The following LTBP1 variants were observed in gnomAD, a reference collection of about 807,000 sequenced individuals.
The protein encoded by LTBP1 is latent transforming growth factor beta binding protein 1.
A neutral mutation model predicts 207.6 loss-of-function variants in LTBP1; 129 were observed. That is an observed-to-expected ratio of 0.62 (90% CI 0.54 to 0.72). The LOEUF is 0.72. LTBP1 is among the 30% of genes least tolerant of loss of function. The pLI, the probability that LTBP1 is intolerant of heterozygous loss-of-function variation, is 0.00. For missense variants in LTBP1, 2,281 were observed against 2,217.2 expected, an observed-to-expected ratio of 1.03 and a Z score of -0.58; for synonymous variants, 963 against 833.7, an observed-to-expected ratio of 1.16 and a Z score of -2.67.
At chr2:33,348,250 T>C (rs2094730636) in intron 26 of LTBP1, among the ~76,000 whole-genome samples, 1 of 152,174 alleles carries the variant, frequency 6.6e-6, no homozygotes, top group Non-Finnish European at 1.5e-5. Flanking sequence ...GCTTCCATAA[T>C]AGCTTTCACT....
In LTBP1 at chr2:33,241,965, G is replaced by A. The variant is rs115440610; in HGVS notation, c.1877-1697G>A. On this transcript the variant is annotated intron_variant, in intron 9 of 33. Coordinates refer to ENST00000404816, the MANE Select transcript of LTBP1 (RefSeq NM_206943.4). ...ATGGTCAGGTGCTGTACTGTGTGCC[G>A]TACCAGGTGTCATCTAGCTGTAGCA... Among the ~76,000 whole-genome samples, 345 of 152,282 alleles carry A rather than the reference G, an allele frequency of 2.3e-3. 2 individuals are homozygous for A. Among genetic ancestry groups the A allele is most frequent in the African/African-American group, 7.8e-3 (323 of 41,546 alleles).
At chr2:33,361,847 A>G (rs1414513303) in intron 28 of LTBP1, among the ~76,000 whole-genome samples, 1 of 152,184 alleles carries the variant, frequency 6.6e-6, no homozygotes, top group Non-Finnish European at 1.5e-5. Flanking sequence ...CTTACTAAAT[A>G]TTTTATTCTA....
chr2:33,151,821 TTTTG>T (rs1463546509), intron 5 of LTBP1, among the ~76,000 whole-genome samples: 10 of 140,734 alleles, frequency 7.1e-5, no homozygotes, highest in Non-Finnish European at 9.2e-5. Context: ...TAGTATTCCA[TTTTG>T]TGTGTGTGTG....
At chr2:33,100,704 C>T (rs2079680499) in intron 3 of LTBP1, among the ~76,000 whole-genome samples, 1 of 152,124 alleles carries the variant, frequency 6.6e-6, no homozygotes, top group Non-Finnish European at 1.5e-5. Context: ...CTCTCTCTCT[C>T]CCCCAACCCC....
chr2:33,256,495 C>T (rs2092855642), intron 11 of LTBP1, among the ~76,000 whole-genome samples: 2 of 151,600 alleles, frequency 1.3e-5, no homozygotes, highest in African/African-American at 4.9e-5. Context: ...AACCTTATGG[C>T]TCTTCATCTA....
At chr2:32,952,945 G>A (rs539586016) in intron 2 of LTBP1, among the ~76,000 whole-genome samples, 62 of 152,318 alleles carry the variant, frequency 4.1e-4, no homozygotes, top group African/African-American at 1.4e-3. Flanking sequence ...TTCATTTACT[G>A]TTTAGCTTTT....
rs2092895337 is a variant in LTBP1 at position 33,257,476 on chromosome 2, C to T, written c.2360C>T (p.Ser787Phe). Residue 787 changes from serine to phenylalanine, a missense_variant, in exon 12 of 34, where the codon TCC becomes TTC. Transcript: ENST00000404816. ...KEEPVEALTF[S>F]REHGPGVAEP... The stretch of plus-strand genomic sequence containing the variant: ...GAGCCAGTGGAGGCCCTGACCTTCT[C>T]CCGGGAACACGGGCCAGGAGTGGCG... 1 of 1,614,048 alleles carries T rather than the reference C, an allele frequency of 6.2e-7. No homozygotes were observed. Among genetic ancestry groups the T allele is most frequent in the Non-Finnish European group, 8.5e-7 (1 of 1,180,006 alleles).
chr2:33,049,627 T>A (rs970034110), intron 3 of LTBP1, among the ~76,000 whole-genome samples: 3 of 152,336 alleles, frequency 2.0e-5, no homozygotes, highest in African/African-American at 7.2e-5. Flanking sequence ...TTAAAAAAAT[T>A]TAAATTTCAT....
intron 31 of LTBP1, among the ~76,000 whole-genome samples, chr2:33,377,875 A>G (rs72861449): frequency 0.034 from 5,159 of 152,206 alleles, 272 homozygotes; most frequent in African/African-American, 0.12. Flanking sequence ...GAAGTGCCAC[A>G]CTTGAAACCA....
chr2:32,965,231 A>G (rs1329790993), intron 2 of LTBP1, among the ~76,000 whole-genome samples: 1 of 152,192 alleles, frequency 6.6e-6, no homozygotes, highest in African/African-American at 2.4e-5. Context: ...AAAATTGAAC[A>G]GAAAGTACAA....
At chr2:33,203,613 G>A (rs2089563261) in intron 7 of LTBP1, among the ~76,000 whole-genome samples, 1 of 152,210 alleles carries the variant, frequency 6.6e-6, no homozygotes, top group East Asian at 1.9e-4. Flanking sequence ...TTCTCCCTAA[G>A]CCCCTCCTCT....
chr2:33,308,091 G>T (rs190099576), intron 22 of LTBP1, among the ~76,000 whole-genome samples: 110 of 152,296 alleles, frequency 7.2e-4, no homozygotes, highest in Middle Eastern at 3.4e-3. Context: ...AGAAAACAAA[G>T]AAGGTTTTGT....
chr2:33,171,982 T>G (rs1040055296), intron 5 of LTBP1, among the ~76,000 whole-genome samples: 21 of 152,188 alleles, frequency 1.4e-4, no homozygotes, highest in African/African-American at 5.1e-4. Context: ...CCACCAGGCC[T>G]GCCCTAAAAG....
chr2:32,983,153 T>C (rs1203932294), intron 2 of LTBP1, among the ~76,000 whole-genome samples: 1 of 151,676 alleles, frequency 6.6e-6, no homozygotes. Flanking sequence ...CCATCTCTTG[T>C]ATCAGTGTGA....
chr2:33,225,055 G>A (rs867129222), intron 9 of LTBP1, among the ~76,000 whole-genome samples: 115 of 152,092 alleles, frequency 7.6e-4, no homozygotes, highest in African/African-American at 2.6e-3. Context: ...TCTAGATTCT[G>A]ACTTTAACTG....
intron 3 of LTBP1, among the ~76,000 whole-genome samples, chr2:33,096,548 GA>G (rs2079400291): frequency 6.6e-6 from 1 of 152,180 alleles, no homozygotes; most frequent in South Asian, 2.1e-4. Context: ...ATCCTGACAA[GA>G]ACGACAACAG....
chr2:33,047,949 T>C (rs219199), intron 3 of LTBP1, among the ~76,000 whole-genome samples: 75,560 of 152,014 alleles, frequency 0.5, 20,175 homozygotes, highest in East Asian at 0.98. Flanking sequence ...CTGCTTTTTT[T>C]TTTGTTTTCT....
intron 10 of LTBP1, among the ~76,000 whole-genome samples, chr2:33,251,536 G>A (rs1370494134): frequency 6.6e-6 from 1 of 152,002 alleles, no homozygotes; most frequent in Admixed American, 6.6e-5. Flanking sequence ...GTGGTAGTGG[G>A]TGCCTGTAGT....
At chr2:32,965,316 A>G (rs1163458011) in intron 2 of LTBP1, among the ~76,000 whole-genome samples, 6 of 152,204 alleles carry the variant, frequency 3.9e-5, no homozygotes, top group Admixed American at 6.5e-5. Flanking sequence ...TCCTGTTACA[A>G]TCGATGAACC....
Sources: gnomAD v4.1 joint callset for allele counts (sites outside exome capture counted in the v4.1 genomes callset) on GRCh38, gnomAD v4.1.1 for gene constraint, MANE v1.5 for transcripts, NCBI Gene and HGNC (gene_info 2026-07-23, HGNC 2026-07-21) for gene names.